Variants in FAM13A observed in about 807,000 individuals in gnomAD.
FAM13A encodes protein FAM13A.
FAM13A carries 76 observed loss-of-function variants against 129.6 expected under a neutral mutation model. The observed-to-expected ratio is 0.59, with a 90% confidence interval of 0.49 to 0.71. FAM13A has a LOEUF of 0.71. Ranked by LOEUF, FAM13A falls within the 30% of genes least tolerant of loss-of-function variation. The pLI, the probability that FAM13A is intolerant of heterozygous loss-of-function variation, is 0.00. For synonymous variants in FAM13A, 443 were observed against 449.9 expected (o/e 0.98, Z 0.20); for missense variants, 1,108 against 1,249.3 (o/e 0.89, Z 1.70).
At chr4:88,769,003 C>T (rs928070033) in intron 11 of FAM13A, among the ~76,000 whole-genome samples, 2 of 152,118 alleles carry the variant, frequency 1.3e-5, no homozygotes, top group African/African-American at 4.8e-5. Flanking sequence ...AAATTTGGAC[C>T]TGAATTTTGT....
At chr4:88,894,002 A>G (rs758863785) in intron 6 of FAM13A, among the ~76,000 whole-genome samples, 6 of 152,218 alleles carry the variant, frequency 3.9e-5, no homozygotes, top group Non-Finnish European at 7.3e-5. Flanking sequence ...TGCAATCCAA[A>G]TTAAGGCAAT....
intron 4 of FAM13A, among the ~76,000 whole-genome samples, chr4:88,952,343 T>C (rs1757072912): frequency 6.6e-6 from 1 of 151,864 alleles, no homozygotes; most frequent in Admixed American, 6.6e-5. Flanking sequence ...GCCTCCTTCA[T>C]TGCTATAGTA....
intron 8 of FAM13A, among the ~76,000 whole-genome samples, chr4:88,802,492 A>T (rs998808943): frequency 3.9e-5 from 6 of 152,200 alleles, no homozygotes; most frequent in African/African-American, 1.4e-4. Context: ...TAAAAATATG[A>T]GTGTGTGTCT....
At position 88,737,601 on chromosome 4, in the gene FAM13A, C is replaced by G. The variant is rs772599952; in HGVS notation, c.2563-46G>C. ...TAGGTTACATTCCGAACCCCTTTCC[C>G]TTTCCCTCCAGCTCTCGGCCTCCTC... On this transcript the variant is annotated intron_variant, in intron 20 of 23. Transcript: ENST00000264344. The G allele has an allele frequency of 4.5e-5, 68 of 1,508,760 alleles. No individual in the cohort carries two copies. The South Asian group carries it at 7.4e-4, about 16-fold the overall frequency. 93.5% of individuals were successfully genotyped at this position (1,508,760 alleles called of 1,614,324 possible).
chr4:88,946,020 A>G (rs1414989398), intron 4 of FAM13A, among the ~76,000 whole-genome samples: 1 of 126,284 alleles, frequency 7.9e-6, no homozygotes, highest in African/African-American at 2.9e-5. Flanking sequence ...ATATATATAT[A>G]TATGTAATCC....
chr4:88,873,921 C>T (rs1741898643), intron 6 of FAM13A, among the ~76,000 whole-genome samples: 1 of 152,140 alleles, frequency 6.6e-6, no homozygotes. Context: ...TCCAGCAGCA[C>T]ATCAAAAAGC....
intron 14 of FAM13A, among the ~76,000 whole-genome samples, chr4:88,753,027 T>C (rs1408850510): frequency 6.6e-6 from 1 of 152,238 alleles, no homozygotes. Flanking sequence ...GATGTTGATA[T>C]TGGCATATGA....
chr4:88,928,925 A>G (rs899964916), intron 5 of FAM13A, among the ~76,000 whole-genome samples: 5 of 151,844 alleles, frequency 3.3e-5, no homozygotes, highest in Admixed American at 6.6e-5. Flanking sequence ...TGAAATTATC[A>G]TGTTGTCATT....
At chr4:88,934,928 T>A (rs909156390) in intron 5 of FAM13A, among the ~76,000 whole-genome samples, 2 of 152,198 alleles carry the variant, frequency 1.3e-5, no homozygotes, top group African/African-American at 4.8e-5. Context: ...CTGGAGTAAC[T>A]AGATCTAGTC....
At chr4:88,939,412 T>C (rs1754376805) in intron 4 of FAM13A, among the ~76,000 whole-genome samples, 1 of 152,154 alleles carries the variant, frequency 6.6e-6, no homozygotes, top group African/African-American at 2.4e-5. Context: ...ATACACGTGA[T>C]TGCATTTCAT....
At chr4:88,874,510 A>T (rs1277272204) in intron 6 of FAM13A, among the ~76,000 whole-genome samples, 2 of 125,834 alleles carry the variant, frequency 1.6e-5, no homozygotes, top group Non-Finnish European at 4.0e-5. Context: ...GCAAACAGAG[A>T]GCCAAATCAT....
At chr4:88,794,199 A>C (rs780383238) in intron 8 of FAM13A, among the ~76,000 whole-genome samples, 3 of 151,986 alleles carry the variant, frequency 2.0e-5, no homozygotes, top group Non-Finnish European at 4.4e-5. Context: ...CAAAGCAAGT[A>C]TTTAAAATGG....
intron 4 of FAM13A, among the ~76,000 whole-genome samples, chr4:88,939,369 T>C (rs746987371): frequency 6.6e-5 from 10 of 152,164 alleles, no homozygotes; most frequent in Non-Finnish European, 1.5e-4. Flanking sequence ...TCTCTACATG[T>C]GCTTAATCTC....
At chr4:88,831,170 T>C (rs1222559219) in intron 7 of FAM13A, among the ~76,000 whole-genome samples, 1 of 152,208 alleles carries the variant, frequency 6.6e-6, no homozygotes, top group Non-Finnish European at 1.5e-5. Context: ...AAATAAGTGC[T>C]TCAAGCACAT....
At chr4:88,877,562 G>A (rs528809818) in intron 6 of FAM13A, among the ~76,000 whole-genome samples, 1 of 152,288 alleles carries the variant, frequency 6.6e-6, no homozygotes, top group South Asian at 2.1e-4. Flanking sequence ...CATAGGTGTA[G>A]GAAAAGAGGT....
intron 5 of FAM13A, among the ~76,000 whole-genome samples, chr4:88,914,150 C>G (rs1749694388): frequency 1.3e-5 from 2 of 152,142 alleles, no homozygotes; most frequent in African/African-American, 4.8e-5. Context: ...CAAGTGCAGT[C>G]AGTACTATCT....
chr4:88,834,691 C>T (rs1379934), intron 7 of FAM13A, among the ~76,000 whole-genome samples: 111,839 of 152,116 alleles, frequency 0.74, 42,338 homozygotes, highest in East Asian at 0.95. Flanking sequence ...TTAAAAACAG[C>T]CTAGTGAAAT....
chr4:88,732,784 T>G (rs1265091178), intron 21 of FAM13A, among the ~76,000 whole-genome samples: 1 of 151,898 alleles, frequency 6.6e-6, no homozygotes, highest in Non-Finnish European at 1.5e-5. Context: ...ATGATTGAAA[T>G]AAGAAAACTC....
chr4:88,990,904 G>T, intron 4 of FAM13A, 69 bp downstream of exon 4: 1 of 1,198,678 alleles, frequency 8.3e-7, no homozygotes, highest in Non-Finnish European at 1.2e-6. Context: ...CTACATCCCA[G>T]TAATTTCAGA....
Sources: gnomAD v4.1 joint callset for allele counts (sites outside exome capture counted in the v4.1 genomes callset) on GRCh38, gnomAD v4.1.1 for gene constraint, MANE v1.5 for transcripts, NCBI Gene and HGNC (gene_info 2026-07-23, HGNC 2026-07-21) for gene names.